The following CNTN3 variants were observed in gnomAD, a reference collection of about 807,000 sequenced individuals.
CNTN3 encodes the protein contactin-3.
In CNTN3, 60 loss-of-function variants were observed where a neutral mutation model predicts 119.1. That is an observed-to-expected ratio of 0.50 (90% CI 0.41 to 0.62). The LOEUF is 0.62. CNTN3 is among the 20% of genes least tolerant of loss of function. The pLI is 0.00. For synonymous variants in CNTN3, 450 were observed against 438.7 expected (o/e 1.03, Z -0.32); for missense variants, 1,101 against 1,242.4 (o/e 0.89, Z 1.71).
At chr3:74,571,615 A>G (rs555196289) in intron 1 of CNTN3, among the ~76,000 whole-genome samples, 18 of 152,318 alleles carry the variant, frequency 1.2e-4, no homozygotes, top group Admixed American at 1.0e-3. Flanking sequence ...ATATGTTCAC[A>G]AAGTGGTAGT....
chr3:74,489,094 A>G (rs568574000), intron 3 of CNTN3, among the ~76,000 whole-genome samples: 8 of 152,314 alleles, frequency 5.3e-5, no homozygotes, highest in Admixed American at 3.9e-4. Context: ...AAGAAAAAGT[A>G]TCCATTCACA....
chr3:74,288,813 CTT>C (rs1185636087), intron 19 of CNTN3, among the ~76,000 whole-genome samples: 1 of 152,170 alleles, frequency 6.6e-6, no homozygotes, highest in East Asian at 1.9e-4. Context: ...TTCTGCCTCT[CTT>C]CATCATGTCT....
intron 4 of CNTN3, among the ~76,000 whole-genome samples, chr3:74,464,286 A>G (rs1702422436): frequency 6.6e-6 from 1 of 152,136 alleles, no homozygotes; most frequent in Non-Finnish European, 1.5e-5. Flanking sequence ...AAATCATAAA[A>G]TCTACATTTA....
In CNTN3 at chr3:74,594,383, A is replaced by G. The variant is rs1289196131; in HGVS notation, c.-81+20008T>C. The stretch of plus-strand genomic sequence containing the variant: ...ATGTATACATGTGCCATGCTGGTGC[A>G]CTGCACCCATTAACTCATCATTTAG... On this transcript the variant is annotated intron_variant, in intron 1 of 22. Coordinates refer to ENST00000263665, the MANE Select transcript of CNTN3 (RefSeq NM_020872.3). 5.4e-5 allele frequency among the ~76,000 whole-genome samples: 8 copies of G among 148,628 alleles called. No homozygotes were observed. The East Asian group carries it at 9.9e-4, about 18-fold the overall frequency.
intron 19 of CNTN3, among the ~76,000 whole-genome samples, chr3:74,289,648 G>A (rs1342387445): frequency 6.6e-6 from 1 of 152,128 alleles, no homozygotes; most frequent in Non-Finnish European, 1.5e-5. Context: ...GACAATAGCT[G>A]CTTTATCTCA....
At chr3:74,519,155 T>C (rs1703501096) in intron 2 of CNTN3, among the ~76,000 whole-genome samples, 1 of 151,894 alleles carries the variant, frequency 6.6e-6, no homozygotes, top group African/African-American at 2.4e-5. Context: ...ACATTACATA[T>C]ATTTGCATGT....
intron 13 of CNTN3, among the ~76,000 whole-genome samples, chr3:74,327,592 C>T (rs1703163198): frequency 6.6e-6 from 1 of 152,090 alleles, no homozygotes; most frequent in South Asian, 2.1e-4. Flanking sequence ...AAATATTTCA[C>T]ACTTTTAATG....
intron 4 of CNTN3, among the ~76,000 whole-genome samples, chr3:74,443,951 A>G (rs1178430531): frequency 6.6e-6 from 1 of 152,154 alleles, no homozygotes; most frequent in Non-Finnish European, 1.5e-5. Context: ...GAACTCTAAA[A>G]TCATGGTGTT....
chr3:74,379,459 G>A, intron 5 of CNTN3, among the ~76,000 whole-genome samples: 1 of 152,224 alleles, frequency 6.6e-6, no homozygotes, highest in South Asian at 2.1e-4. Flanking sequence ...CCTAACAAAT[G>A]TCTCTTTCCT....
chr3:74,368,474 T>C (rs1479722096), intron 8 of CNTN3, among the ~76,000 whole-genome samples: 2 of 152,202 alleles, frequency 1.3e-5, no homozygotes, highest in African/African-American at 4.8e-5. Context: ...TCTCCATATA[T>C]TTTATAAATC....
At chr3:74,393,190 C>A (rs771988044) in intron 5 of CNTN3, among the ~76,000 whole-genome samples, 23 of 152,278 alleles carry the variant, frequency 1.5e-4, no homozygotes, top group Non-Finnish European at 2.5e-4. Context: ...GAAACATCTT[C>A]AAACATGAAT....
Position 74,266,514 on chromosome 3 carries a change from T to G in CNTN3, c.2953A>C (p.Ser985Arg), listed in dbSNP as rs1701662784. The change falls in exon 22 of 23, where the codon AGT (serine) becomes CGT (arginine). Residue 985 changes from serine to arginine, a missense_variant. By Grantham distance (110) the Ser-to-Arg change is moderately radical (BLOSUM62 -1). Transcript: ENST00000263665. ...CGTGGAATCCTGATCTGTTCACTACTGGTCCCATCCCCTCCATCTGTTGTG... is the reference window on the plus strand; with the variant it reads ...CGTGGAATCCTGATCTGTTCACTACGGGTCCCATCCCCTCCATCTGTTGTG... ...KATTDGGDGT[S>R]SEQIRIPRIT... 1 of 1,613,464 alleles carries G rather than the reference T, an allele frequency of 6.2e-7. No homozygotes were observed. Among genetic ancestry groups the G allele is most frequent in the Non-Finnish European group, 8.5e-7 (1 of 1,179,580 alleles).
intron 13 of CNTN3, among the ~76,000 whole-genome samples, chr3:74,319,377 C>T (rs1702923323): frequency 6.6e-6 from 1 of 152,200 alleles, no homozygotes; most frequent in South Asian, 2.1e-4. Context: ...CTACAACCAT[C>T]TGATCTTTGA....
At chr3:74,579,520 C>T (rs1324112122) in intron 1 of CNTN3, among the ~76,000 whole-genome samples, 2 of 152,014 alleles carry the variant, frequency 1.3e-5, no homozygotes, top group Non-Finnish European at 2.9e-5. Context: ...TCATGTTTTG[C>T]TCTATAAAAC....
At chr3:74,423,350 G>T (rs959402333) in intron 5 of CNTN3, among the ~76,000 whole-genome samples, 2 of 152,224 alleles carry the variant, frequency 1.3e-5, no homozygotes, top group African/African-American at 4.8e-5. Flanking sequence ...GAATTGCCCA[G>T]TGTTGGTCAG....
intron 1 of CNTN3, among the ~76,000 whole-genome samples, chr3:74,612,974 CCA>C (rs1241911884): frequency 6.6e-6 from 1 of 152,152 alleles, no homozygotes; most frequent in Non-Finnish European, 1.5e-5. Context: ...CTCCCTAGTC[CCA>C]TGACCCACAA....
chr3:74,514,708 C>T (rs115882593), intron 2 of CNTN3, among the ~76,000 whole-genome samples: 2,013 of 152,152 alleles, frequency 0.013, 29 homozygotes, highest in Middle Eastern at 0.037. Flanking sequence ...ATTTTAAATG[C>T]AAAATATCTC....
At chr3:74,371,167 C>T (rs762126001) in intron 6 of CNTN3, 29 bp downstream of exon 6, 18 of 1,554,914 alleles carry the variant, frequency 1.2e-5, no homozygotes, top group Admixed American at 3.4e-5. Context: ...CATTTACGCT[C>T]AGAAGTGCAC....
chr3:74,478,167 G>T (rs1702693414), intron 4 of CNTN3, among the ~76,000 whole-genome samples: 1 of 152,144 alleles, frequency 6.6e-6, no homozygotes, highest in South Asian at 2.1e-4. Flanking sequence ...CATGGAGAAA[G>T]ATGACTTTTA....
Sources: allele counts gnomAD v4.1 joint callset (sites outside exome capture counted in the v4.1 genomes callset), GRCh38; gene constraint gnomAD v4.1.1; transcripts MANE v1.5; gene names NCBI Gene and HGNC (gene_info 2026-07-23, HGNC 2026-07-21).